The following DSTN variants were observed in gnomAD, a reference collection of about 807,000 sequenced individuals.
The protein encoded by DSTN is destrin, actin depolymerizing factor, also known as destrin.
In DSTN, 10 loss-of-function variants were observed where a neutral mutation model predicts 16.8. The observed-to-expected ratio is 0.60, with a 90% CI of 0.37 to 1.01. The LOEUF (loss-of-function observed/expected upper bound fraction) is 1.01. Ranked by LOEUF, DSTN falls within the 50% of genes least tolerant of loss-of-function variation. The probability of loss-of-function intolerance (pLI) is 0.01; values close to 1 mark genes in which losing one functional copy is unlikely to be tolerated. For synonymous variants in DSTN, 57 were observed against 58.9 expected, an observed-to-expected ratio of 0.97 and a Z score of 0.14; for missense variants, 141 against 196.7, an observed-to-expected ratio of 0.72 and a Z score of 1.69.
intron 1 of DSTN, among the ~76,000 whole-genome samples, chr20:17,584,676 CA>C (rs2035387276): frequency 6.6e-6 from 1 of 150,696 alleles, no homozygotes; most frequent in Non-Finnish European, 1.5e-5. Context: ...AAAGGCTTAC[CA>C]GAGAAAACTT....
At chr20:17,578,609 T>C (rs2035306307) in intron 1 of DSTN, among the ~76,000 whole-genome samples, 1 of 152,204 alleles carries the variant, frequency 6.6e-6, no homozygotes, top group African/African-American at 2.4e-5. Flanking sequence ...CCGTGGAATT[T>C]CATGCTCATT....
chr20:17,579,549 C>T (rs565953726), intron 1 of DSTN, among the ~76,000 whole-genome samples: 40 of 152,284 alleles, frequency 2.6e-4, no homozygotes, highest in African/African-American at 9.6e-4. Flanking sequence ...CACCACTGCA[C>T]CTCAGCCTGG....
chr20:17,596,535 T>A, intron 1 of DSTN: 1 of 728,774 alleles, frequency 1.4e-6, no homozygotes, highest in Non-Finnish European at 1.7e-6. Flanking sequence ...TCAGCTATAT[T>A]GGTTTGACTT....
At chr20:17,576,884 G>T (rs1235377420) in intron 1 of DSTN, among the ~76,000 whole-genome samples, 1 of 152,128 alleles carries the variant, frequency 6.6e-6, no homozygotes, top group Admixed American at 6.5e-5. Flanking sequence ...TTTTAAAATG[G>T]TTTCACAACT....
Position 17,585,645 on chromosome 20 carries a change from A to G in DSTN, c.4-15093A>G, listed in dbSNP as rs1291739447. 2.6e-5 allele frequency among the ~76,000 whole-genome samples: 4 copies of G among 152,158 alleles called. No homozygotes were observed. The East Asian group carries it at 7.7e-4, about 29-fold the overall frequency. On this transcript the variant is annotated intron_variant, in intron 1 of 3. Coordinates refer to ENST00000246069, the MANE Select transcript of DSTN (RefSeq NM_006870.4). Reference sequence around the variant, plus strand: ...TTGACACATATATATGTACACACACATATATACACACACACACATATATAT... The same window carrying G: ...TTGACACATATATATGTACACACACGTATATACACACACACACATATATAT...
rs182068040 is a variant in DSTN, at chr20:17,584,127, A to G, written c.3+13916A>G. Among the ~76,000 whole-genome samples, 1,117 of 152,210 alleles carry G rather than the reference A, an allele frequency of 7.3e-3. 5 individuals are homozygous for G. Among genetic ancestry groups the G allele is most frequent in the Middle Eastern group, 0.02 (6 of 294 alleles). ...AACTTTGTGACTATACTGAAAACCC[A>G]CTGAATTTACTACACTTTAAACGGG... On this transcript the variant is annotated intron_variant, in intron 1 of 3. Coordinates refer to ENST00000246069, the MANE Select transcript of DSTN (RefSeq NM_006870.4).
intron 1 of DSTN, chr20:17,599,764 T>C (rs2122203653): frequency 6.6e-6 from 1 of 152,348 alleles, no homozygotes; most frequent in Admixed American, 6.5e-5. Context: ...GCAGGCTTTG[T>C]CTACAGCCAC....
Position 17,578,047 on chromosome 20 carries a change from A to G in DSTN, c.3+7836A>G, listed in dbSNP as rs140518619. On this transcript the variant is annotated intron_variant, in intron 1 of 3. Coordinates refer to ENST00000246069, the MANE Select transcript of DSTN (RefSeq NM_006870.4). ...AGTGGCCACTTTATTGGACCAACCT[A>G]AGACTTTGTGAGTTGGCCTACTTAA... is the stretch of plus-strand genomic sequence containing the variant. Among the ~76,000 whole-genome samples the G allele has an allele frequency of 3.5e-3, 538 of 152,330 alleles. 1 individual carries two copies. Among genetic ancestry groups the G allele is most frequent in the Admixed American group, 6.9e-3 (106 of 15,300 alleles).
At chr20:17,577,808 T>G (rs939150772) in intron 1 of DSTN, among the ~76,000 whole-genome samples, 12 of 152,338 alleles carry the variant, frequency 7.9e-5, no homozygotes, top group African/African-American at 2.9e-4. Context: ...GTGCTAAATT[T>G]TCATTGGAAA....
chr20:17,586,732 C>T (rs541306977), intron 1 of DSTN, among the ~76,000 whole-genome samples: 37 of 152,256 alleles, frequency 2.4e-4, no homozygotes, highest in Admixed American at 1.5e-3. Flanking sequence ...TAGAAAGAGT[C>T]GAAGAAGCTC....
intron 1 of DSTN, among the ~76,000 whole-genome samples, chr20:17,573,585 A>T (rs2035232468): frequency 6.6e-6 from 1 of 152,044 alleles, no homozygotes; most frequent in South Asian, 2.1e-4. Context: ...GAAGCCCTGG[A>T]TTGGAGCATA....
At chr20:17,586,345 A>G (rs1055875515) in intron 1 of DSTN, among the ~76,000 whole-genome samples, 5 of 152,228 alleles carry the variant, frequency 3.3e-5, no homozygotes, top group African/African-American at 1.2e-4. Context: ...TACTAGGAAA[A>G]GGGACATATT....
chr20:17,600,773 C>T lies in DSTN; in HGVS notation c.39C>T (p.Arg13=). ...SGVQVADEVC[R]IFYDMKVRKC... ...TGCAAGTAGCTGATGAAGTATGTCG[C>T]ATTTTTTATGACATGAAAGTTCGTA... The change falls in exon 2 of 4, where the codon CGC becomes CGT. Residue 13 remains arginine (R), a synonymous_variant. Coordinates refer to ENST00000246069, the MANE Select transcript of DSTN (RefSeq NM_006870.4). 1 of 1,612,734 alleles carries T rather than the reference C, an allele frequency of 6.2e-7. No homozygotes were observed. The highest frequency in any genetic ancestry group is 1.7e-4 in the Middle Eastern group (1 of 6,052).
intron 1 of DSTN, among the ~76,000 whole-genome samples, chr20:17,587,113 G>C (rs2035418632): frequency 6.6e-6 from 1 of 150,626 alleles, no homozygotes; most frequent in Admixed American, 6.6e-5. Flanking sequence ...ATACAATGAA[G>C]TTATCTTTAT....
At chr20:17,580,380 A>G (rs565992003) in intron 1 of DSTN, among the ~76,000 whole-genome samples, 1 of 152,306 alleles carries the variant, frequency 6.6e-6, no homozygotes, top group Non-Finnish European at 1.5e-5. Flanking sequence ...GCAATCTGAT[A>G]TGGAGGAAGA....
chr20:17,603,587 C>CA (rs2035609669), intron 2 of DSTN, among the ~76,000 whole-genome samples: 1 of 152,100 alleles, frequency 6.6e-6, no homozygotes, highest in African/African-American at 2.4e-5. Context: ...GACCTCCGTG[C>CA]AAGCAGTCTG....
chr20:17,577,288 C>T (rs1460098123), intron 1 of DSTN, among the ~76,000 whole-genome samples: 1 of 152,176 alleles, frequency 6.6e-6, no homozygotes, highest in East Asian at 1.9e-4. Context: ...TAAGGCTTCT[C>T]CAACTTGCCC....
chr20:17,592,785 C>T (rs547910706), intron 1 of DSTN, among the ~76,000 whole-genome samples: 8 of 152,264 alleles, frequency 5.3e-5, no homozygotes, highest in African/African-American at 9.6e-5. Context: ...TTCCACCTCC[C>T]CTCTCCCAGT....
Position 17,608,723 on chromosome 20 carries a change from T to C in DSTN, c.*1577T>C, listed in dbSNP as rs1308050477. 5 of 151,992 alleles carry C rather than the reference T, an allele frequency of 3.3e-5. No individual in the cohort carries two copies. The highest frequency in any genetic ancestry group is 2.1e-4 in the South Asian group (1 of 4,820). The allele number at this position is 151,992 out of a possible 1,614,324, so 9.4% of individuals were successfully genotyped here. A position where few individuals can be genotyped will look rare whatever the true frequency, so the allele number is the denominator to read the frequency against. On this transcript the variant is annotated 3_prime_UTR_variant, in exon 4 of 4. Coordinates refer to ENST00000246069, the MANE Select transcript of DSTN (RefSeq NM_006870.4). ...TACACTATAAGTGTAATAAATATTATACAAAATTATAAATTCACATTTAAA... is the reference window on the plus strand; with the variant it reads ...TACACTATAAGTGTAATAAATATTACACAAAATTATAAATTCACATTTAAA...
Sources: gnomAD v4.1 joint callset for allele counts (sites outside exome capture counted in the v4.1 genomes callset) on GRCh38, gnomAD v4.1.1 for gene constraint, MANE v1.5 for transcripts, NCBI Gene and HGNC (gene_info 2026-07-23, HGNC 2026-07-21) for gene names.